The following ZNF229 variants were observed in gnomAD, a reference collection of about 807,000 sequenced individuals.
ZNF229 encodes zinc finger protein 229.
Under a neutral mutation model 11.8 loss-of-function variants are expected in ZNF229, and 10 were observed. The observed-to-expected ratio is 0.85, with a 90% CI of 0.52 to 1.44. ZNF229 has a LOEUF of 1.44. ZNF229 is among the 40% of genes most tolerant of loss of function. ZNF229 has a pLI of 0.00. For missense variants in ZNF229, 1,045 were observed against 1,015.1 expected (o/e 1.03, Z -0.40); for synonymous variants, 368 against 374.8 (o/e 0.98, Z 0.21).
At chr19:44,435,169 C>T (rs966239748) in intron 4 of ZNF229, among the ~76,000 whole-genome samples, 2 of 152,106 alleles carry the variant, frequency 1.3e-5, no homozygotes, top group East Asian at 1.9e-4. Flanking sequence ...AGAATGCATA[C>T]CATATTACTT....
At position 44,430,441 on chromosome 19, in the gene ZNF229, C is replaced by G; in HGVS notation, c.340G>C (p.Gly114Arg). ...CAGTCTTGGCTCCCAGGTAATTCAC[C>G]TGCCACCTCTTCCCAGATTTTGCAT... Reference protein sequence around the residue: ...SSCKIWEEVAGELPGSQDCRV... With the variant: ...SSCKIWEEVARELPGSQDCRV... Residue 114 changes from glycine to arginine, a missense_variant, in exon 6 of 6, where the codon GGT becomes CGT. Coordinates refer to ENST00000614049, the MANE Select transcript of ZNF229 (RefSeq NM_014518.4). The G allele has an allele frequency of 1.2e-6, 2 of 1,614,164 alleles. No homozygotes were observed. Among genetic ancestry groups the G allele is most frequent in the Non-Finnish European group, 1.7e-6 (2 of 1,180,034 alleles).
rs190264979 is a variant in ZNF229, at chr19:44,428,230, A to G, written c.*73T>C. On this transcript the variant is annotated 3_prime_UTR_variant, in exon 6 of 6. Transcript: ENST00000614049. ...TAGCCCTCCTACATGTCACTTTCCT[A>G]TGGTTTTTCTCCTGTGTTGGCTCTC... 48 of 1,488,654 alleles carry G rather than the reference A, an allele frequency of 3.2e-5. No homozygotes were observed. The highest frequency in any genetic ancestry group is 6.8e-5 in the South Asian group (5 of 73,500). The allele number at this position is 1,488,654 out of a possible 1,614,324, so 92.2% of individuals were successfully genotyped here. A position where few individuals can be genotyped will look rare whatever the true frequency, so the allele number is the denominator to read the frequency against.
At chr19:44,432,747 G>A (rs933157256) in intron 4 of ZNF229, among the ~76,000 whole-genome samples, 2 of 151,916 alleles carry the variant, frequency 1.3e-5, no homozygotes, top group African/African-American at 2.4e-5. Context: ...GCTAAATGAC[G>A]AGGTAATGGG....
intron 4 of ZNF229, among the ~76,000 whole-genome samples, chr19:44,436,256 C>T (rs531858362): frequency 6.6e-6 from 1 of 152,066 alleles, no homozygotes; most frequent in Admixed American, 6.5e-5. Context: ...ACCTGTAGTC[C>T]CAGCTGTTCG....
Position 44,429,398 on chromosome 19 carries a change from G to A in ZNF229, c.1383C>T (p.Tyr461=). ...ATCCCTTTCCACACTCGCCACAGCT[G>A]TAGGGCTTTTCTCCAGGGTGAATGT... ...HQHIHPGEKP[Y]SCGECGKGFS... The change falls in exon 6 of 6, where the codon TAC becomes TAT. Residue 461 remains tyrosine, a synonymous_variant. Transcript: ENST00000614049. 1 of 1,614,018 alleles carries A rather than the reference G, an allele frequency of 6.2e-7. No individual in the cohort carries two copies. The highest frequency in any genetic ancestry group is 8.5e-7 in the Non-Finnish European group (1 of 1,180,008).
rs1244258267 is a variant in ZNF229 at position 44,448,343 on chromosome 19, C to T, written c.-300G>A. 6.6e-6 allele frequency: 1 copy of T among 152,382 alleles called. No homozygotes were observed. Among genetic ancestry groups the T allele is most frequent in the Non-Finnish European group, 1.5e-5 (1 of 68,172 alleles). 9.4% of individuals were successfully genotyped at this position (152,382 alleles called of 1,614,324 possible). The stretch of plus-strand genomic sequence containing the variant: ...CTCATGGAAATCCGTGGGCTTCGAC[C>T]CTCCGCCGCACGTTGTCCCTTCACA... On this transcript the variant is annotated 5_prime_UTR_variant, in exon 1 of 6. Coordinates refer to ENST00000614049, the MANE Select transcript of ZNF229 (RefSeq NM_014518.4).
chr19:44,429,472 C>G lies in ZNF229; in HGVS notation c.1309G>C (p.Glu437Gln), dbSNP rs753505537. ...TTGGCACAGAAGCCTTTGCCACACTCGCTGCAGGTGTAGGGCTTCTCCCCT... is the reference window on the plus strand; with the variant it reads ...TTGGCACAGAAGCCTTTGCCACACTGGCTGCAGGTGTAGGGCTTCTCCCCT... ...HTGEKPYTCS[E>Q]CGKGFCAKSA... The change falls in exon 6 of 6, where the codon GAG (glutamate) becomes CAG (glutamine). Residue 437 changes from glutamate to glutamine, a missense_variant. By Grantham distance (29) the Glu-to-Gln change is conservative. Coordinates refer to ENST00000614049, the MANE Select transcript of ZNF229 (RefSeq NM_014518.4). The G allele has an allele frequency of 1.2e-6, 2 of 1,613,616 alleles. No individual in the cohort carries two copies. The highest frequency in any genetic ancestry group is 2.2e-5 in the South Asian group (2 of 91,058).
chr19:44,448,555 T>A (rs1170804456), upstream of ZNF229: 2 of 152,072 alleles, frequency 1.3e-5, no homozygotes, highest in Non-Finnish European at 2.9e-5. Context: ...AGTCCGATCC[T>A]AGGGGCGATG....
intron 1 of ZNF229, among the ~76,000 whole-genome samples, 169 bp from the exon 2 acceptor site, chr19:44,447,769 C>T (rs1312785953): frequency 6.6e-6 from 1 of 152,174 alleles, no homozygotes; most frequent in East Asian, 1.9e-4. Context: ...CTACAGGACT[C>T]AGAGTACAAG....
At chr19:44,445,389 C>T (rs1971986803) in intron 2 of ZNF229, among the ~76,000 whole-genome samples, 2 of 151,790 alleles carry the variant, frequency 1.3e-5, no homozygotes, top group Admixed American at 6.6e-5. Context: ...CACCAAGGTC[C>T]TTTCAATGGC....
At chr19:44,447,326 C>T (rs1972019531) in intron 2 of ZNF229, among the ~76,000 whole-genome samples, 187 bp downstream of exon 2, 1 of 152,148 alleles carries the variant, frequency 6.6e-6, no homozygotes, top group African/African-American at 2.4e-5. Context: ...CAGTGACACA[C>T]TACTAGGAGC....
chr19:44,442,126 CTTTTTT>C (rs1202759985), intron 4 of ZNF229, among the ~76,000 whole-genome samples: 1 of 114,706 alleles, frequency 8.7e-6, no homozygotes, highest in Non-Finnish European at 1.8e-5. Flanking sequence ...ATATGTTTTT[CTTTTTT>C]TAACTTTGTG....
chr19:44,444,510 A>G (rs1971972332), intron 2 of ZNF229, among the ~76,000 whole-genome samples: 1 of 152,172 alleles, frequency 6.6e-6, no homozygotes, highest in Non-Finnish European at 1.5e-5. Context: ...TACACAAAGG[A>G]CAAAGGGAAG....
At chr19:44,433,899 T>C (rs1971767949) in intron 4 of ZNF229, among the ~76,000 whole-genome samples, 1 of 152,156 alleles carries the variant, frequency 6.6e-6, no homozygotes, top group Non-Finnish European at 1.5e-5. Flanking sequence ...CCTGAGTAGC[T>C]GGGACTACAG....
intron 3 of ZNF229, 39 bp downstream of exon 3, chr19:44,442,775 T>A: frequency 6.2e-7 from 1 of 1,608,288 alleles, no homozygotes; most frequent in Non-Finnish European, 8.5e-7. Flanking sequence ...ACACTCAGTT[T>A]GGATTCTCCC....
At chr19:44,443,049 C>T in intron 2 of ZNF229, 25 bp from the exon 3 acceptor site, 1 of 618,796 alleles carries the variant, frequency 1.6e-6, no homozygotes. Flanking sequence ...GGGAACTTTA[C>T]TTAGTCCTTT....
intron 4 of ZNF229, 136 bp from the exon 5 acceptor site, chr19:44,432,502 T>C (rs1600015823): frequency 8.0e-7 from 1 of 1,254,444 alleles, no homozygotes; most frequent in Non-Finnish European, 1.1e-6. Flanking sequence ...TGGAATACTA[T>C]GCAGCCATAA....
At chr19:44,445,525 T>C (rs1971988652) in intron 2 of ZNF229, among the ~76,000 whole-genome samples, 1 of 152,182 alleles carries the variant, frequency 6.6e-6, no homozygotes, top group Non-Finnish European at 1.5e-5. Context: ...GCCTTCGTGT[T>C]GTTCTCTTTG....
At position 44,428,665 on chromosome 19, in the gene ZNF229, G is replaced by T; in HGVS notation, c.2116C>A (p.His706Asn). 1 of 1,614,048 alleles carries T rather than the reference G, an allele frequency of 6.2e-7. No individual in the cohort carries two copies. The highest frequency in any genetic ancestry group is 8.5e-7 in the Non-Finnish European group (1 of 1,180,018). ...GSNLRTHQRLHTGEKPYTCCE... is the reference protein window; with the variant it reads ...GSNLRTHQRLNTGEKPYTCCE... Reference sequence around the variant, plus strand: ...CAAGTGTAGGGTTTCTCTCCTGTGTGCAACCTCTGGTGGGTGCGAAGATTA... The same window carrying T: ...CAAGTGTAGGGTTTCTCTCCTGTGTTCAACCTCTGGTGGGTGCGAAGATTA... Residue 706 changes from histidine to asparagine, a missense_variant, in exon 6 of 6, where the codon CAC becomes AAC. Physicochemically the swap from His to Asn is moderately conservative, Grantham distance 68. Coordinates refer to ENST00000614049, the MANE Select transcript of ZNF229 (RefSeq NM_014518.4).
Sources: gnomAD v4.1 joint callset for allele counts (sites outside exome capture counted in the v4.1 genomes callset) on GRCh38, gnomAD v4.1.1 for gene constraint, MANE v1.5 for transcripts, NCBI Gene and HGNC (gene_info 2026-07-23, HGNC 2026-07-21) for gene names.